Variants in DHRS7C observed in about 807,000 individuals in gnomAD.
DHRS7C encodes the protein dehydrogenase/reductase 7C.
A neutral mutation model predicts 29.6 loss-of-function variants in DHRS7C; 28 were observed. The ratio of observed to expected loss-of-function variants is 0.95; its 90% CI spans 0.70 to 1.30. The LOEUF is 1.30. Ranked by LOEUF, DHRS7C falls within the 50% of genes most tolerant of loss-of-function variation. DHRS7C has a pLI of 0.00. For synonymous variants in DHRS7C, 158 were observed against 160.2 expected (o/e 0.99, Z 0.10); for missense variants, 403 against 393.3 (o/e 1.02, Z -0.21).
intron 1 of DHRS7C, among the ~76,000 whole-genome samples, chr17:9,787,011 T>C (rs993409337): frequency 4.6e-5 from 7 of 152,102 alleles, no homozygotes; most frequent in African/African-American, 1.7e-4. Context: ...AGTGGCGTGA[T>C]CTCAGCTCAC....
intron 1 of DHRS7C, among the ~76,000 whole-genome samples, chr17:9,782,724 G>A (rs1238492907): frequency 1.3e-5 from 2 of 152,214 alleles, no homozygotes; most frequent in African/African-American, 4.8e-5. Flanking sequence ...CAAATACAGG[G>A]ATCTGGAAGA....
At chr17:9,782,436 G>A (rs771020207) in intron 1 of DHRS7C, among the ~76,000 whole-genome samples, 1 of 152,140 alleles carries the variant, frequency 6.6e-6, no homozygotes, top group Non-Finnish European at 1.5e-5. Flanking sequence ...GTGGTCTCAG[G>A]AAAGTCTAGC....
chr17:9,788,497 G>A (rs572579634), intron 1 of DHRS7C, among the ~76,000 whole-genome samples: 2 of 152,218 alleles, frequency 1.3e-5, no homozygotes, highest in Admixed American at 6.5e-5. Context: ...GTGAGCCACC[G>A]TGCCTGGCCT....
chr17:9,773,286 C>G (rs575781265), intron 4 of DHRS7C, among the ~76,000 whole-genome samples: 1 of 151,894 alleles, frequency 6.6e-6, no homozygotes, highest in African/African-American at 2.4e-5. Flanking sequence ...CATGAATTCC[C>G]CTTCCTTCCT....
At chr17:9,785,161 C>G (rs892134980) in intron 1 of DHRS7C, 2 of 152,182 alleles carry the variant, frequency 1.3e-5, no homozygotes, top group Non-Finnish European at 2.9e-5. Flanking sequence ...AAGTTCAGTT[C>G]CCTTTACCCA....
Position 9,777,362 on chromosome 17 carries a change from C to G in DHRS7C, c.479-77G>C, listed in dbSNP as rs2272032. ...GCAGCAGCAGGCAGACCCCTGCCCCCGGTACCCTCATCACAGGGCTCCGCT... is the reference window on the plus strand; with the variant it reads ...GCAGCAGCAGGCAGACCCCTGCCCCGGGTACCCTCATCACAGGGCTCCGCT... On this transcript the variant is annotated intron_variant, in intron 3 of 5. Transcript: ENST00000571134. 6.3e-5 allele frequency: 79 copies of G among 1,251,626 alleles called. No homozygotes were observed. The African/African-American group carries it at 1.1e-3, about 18-fold the overall frequency. 77.5% of individuals were successfully genotyped at this position (1,251,626 alleles called of 1,614,324 possible).
At position 9,772,854 on chromosome 17, in the gene DHRS7C, C is replaced by T. The variant is rs766447290; in HGVS notation, c.640G>A (p.Val214Ile). The part of the protein sequence containing the change: ...CLRAEVEEYD[V>I]VISTVSPTFI... The stretch of plus-strand genomic sequence containing the variant: ...GTCGGGCTCACGGTGCTGATGACAA[C>T]ATCGTATTCCTCCACTTCGGCTCGG... The change falls in exon 5 of 6, where the codon GTT becomes ATT. Residue 214 changes from valine to isoleucine, a missense_variant. Physicochemically the swap from Val to Ile is conservative, Grantham distance 29 (BLOSUM62 3). Transcript: ENST00000571134. The T allele has an allele frequency of 6.2e-7, 1 of 1,613,924 alleles. No homozygotes were observed. The highest frequency in any genetic ancestry group is 1.1e-5 in the South Asian group (1 of 91,090).
intron 4 of DHRS7C, 32 bp from the exon 5 acceptor site, chr17:9,772,954 G>A: frequency 6.2e-7 from 1 of 1,609,750 alleles, no homozygotes; most frequent in South Asian, 1.1e-5. Context: ...GGTGGGCGCA[G>A]GACACTCCCG....
intron 1 of DHRS7C, among the ~76,000 whole-genome samples, chr17:9,788,293 G>A (rs766354276): frequency 3.6e-4 from 55 of 152,048 alleles, no homozygotes; most frequent in African/African-American, 1.3e-3. Flanking sequence ...TGCAACTTCC[G>A]CCTTTTGGGT....
At chr17:9,789,691 T>C (rs1252848297) in intron 1 of DHRS7C, among the ~76,000 whole-genome samples, 3 of 152,226 alleles carry the variant, frequency 2.0e-5, no homozygotes. Flanking sequence ...GGATCGCATG[T>C]TAGCAGCCTG....
chr17:9,780,099 G>A (rs2066385485), intron 2 of DHRS7C, 64 bp from the exon 3 acceptor site: 4 of 1,447,842 alleles, frequency 2.8e-6, no homozygotes, highest in Non-Finnish European at 3.7e-6. Context: ...GACCTTGGGA[G>A]CCCTCGATCT....
intron 3 of DHRS7C, among the ~76,000 whole-genome samples, chr17:9,778,381 C>T (rs2066374404): frequency 7.3e-6 from 1 of 136,462 alleles, no homozygotes. Context: ...GCAATAGAGG[C>T]GAGACTCCGT....
In DHRS7C at chr17:9,779,933, T is replaced by A; in HGVS notation, c.370A>T (p.Ile124Phe). The A allele has an allele frequency of 1.2e-6, 2 of 1,613,976 alleles. No homozygotes were observed. Among genetic ancestry groups the A allele is most frequent in the Non-Finnish European group, 1.7e-6 (2 of 1,179,884 alleles). ...TTCACCTTCACACTGGCATTGTTGA[T>A]GAGGATGTCCACACAGCCATAGCAA... Reference protein sequence around the residue: ...LDCYGCVDILINNASVKVKGP... With the variant: ...LDCYGCVDILFNNASVKVKGP... The change falls in exon 3 of 6, where the codon ATC becomes TTC. Residue 124 changes from isoleucine to phenylalanine, a missense_variant. By Grantham distance (21) the Ile-to-Phe change is conservative. Transcript: ENST00000571134.
chr17:9,784,446 TG>T, intron 1 of DHRS7C, among the ~76,000 whole-genome samples: 1 of 152,174 alleles, frequency 6.6e-6, no homozygotes, highest in Non-Finnish European at 1.5e-5. Context: ...CACTCCAGCC[TG>T]GGGAACAGAG....
At chr17:9,789,672 CCGTA>C (rs2066443503) in intron 1 of DHRS7C, among the ~76,000 whole-genome samples, 5 of 152,174 alleles carry the variant, frequency 3.3e-5, no homozygotes, top group South Asian at 2.1e-4. Context: ...AGGGTAGAGG[CCGTA>C]TCAGGGATCG....
chr17:9,772,874 G>T lies in DHRS7C; in HGVS notation c.620C>A (p.Ala207Asp), dbSNP rs2066339479. The part of the protein sequence containing the change: ...AALGFFDCLR[A>D]EVEEYDVVIS... Reference sequence around the variant, plus strand: ...GACAACATCGTATTCCTCCACTTCGGCTCGGAGGCAGTCAAAGAAGCCCAG... The same window carrying T: ...GACAACATCGTATTCCTCCACTTCGTCTCGGAGGCAGTCAAAGAAGCCCAG... Residue 207 changes from alanine to aspartate, a missense_variant, in exon 5 of 6, where the codon GCC becomes GAC. Physicochemically the swap from Ala to Asp is moderately radical, Grantham distance 126. Coordinates refer to ENST00000571134, the MANE Select transcript of DHRS7C (RefSeq NM_001105571.3). The T allele has an allele frequency of 1.9e-6, 3 of 1,613,896 alleles. No individual in the cohort carries two copies. The highest frequency in any genetic ancestry group is 2.5e-6 in the Non-Finnish European group (3 of 1,179,886).
Position 9,789,283 on chromosome 17 carries a change from A to G in DHRS7C, c.154+1848T>C, listed in dbSNP as rs2066441501. Among the ~76,000 whole-genome samples, 3 of 152,198 alleles carry G rather than the reference A, an allele frequency of 2.0e-5. No individual in the cohort carries two copies. The South Asian group carries it at 6.2e-4, about 32-fold the overall frequency. On this transcript the variant is annotated intron_variant, in intron 1 of 5. Transcript: ENST00000571134. ...TCATAAGACAAACCTCAGCACATTT[A>G]AAAGAATCGAAATCATACAGAGCGT...
intron 4 of DHRS7C, among the ~76,000 whole-genome samples, chr17:9,776,319 A>G (rs767185292): frequency 2.0e-5 from 3 of 152,236 alleles, no homozygotes; most frequent in Non-Finnish European, 4.4e-5. Flanking sequence ...TCTGCAAGCC[A>G]GGGAGAAGGG....
intron 1 of DHRS7C, chr17:9,782,845 GCCCAGTGGAGGCTGAATAT>G (rs1443230044): frequency 6.6e-6 from 1 of 152,320 alleles, no homozygotes; most frequent in Non-Finnish European, 1.5e-5. Flanking sequence ...GCAGCCTGGT[GCCCAGTGGAGGCTGAATAT>G]CCCGAGTGTT....
Sources: gnomAD v4.1 joint callset for allele counts (sites outside exome capture counted in the v4.1 genomes callset) on GRCh38, gnomAD v4.1.1 for gene constraint, MANE v1.5 for transcripts, NCBI Gene and HGNC (gene_info 2026-07-23, HGNC 2026-07-21) for gene names.